NRXN2: variants seen among roughly 807,000 people sequenced by gnomAD.
NRXN2 encodes the protein neurexin 2, also known as neurexin-2-beta.
NRXN2 carries 29 observed loss-of-function variants against 128.8 expected under a neutral mutation model. The observed-to-expected ratio is 0.23, with a 90% CI of 0.17 to 0.31. The LOEUF is 0.31. NRXN2 is among the 10% of genes least tolerant of loss of function. The pLI, the probability that NRXN2 is intolerant of heterozygous loss-of-function variation, is 1.00. For missense variants in NRXN2, 1,881 were observed against 2,452.6 expected, an observed-to-expected ratio of 0.77 and a Z score of 4.92; for synonymous variants, 1,098 against 1,075.2, an observed-to-expected ratio of 1.02 and a Z score of -0.41.
rs143228463 is a variant in NRXN2, at chr11:64,708,966, C to T, written c.730+4004G>A. Among the ~76,000 whole-genome samples, 1,271 of 152,070 alleles carry T rather than the reference C, an allele frequency of 8.4e-3. 18 individuals are homozygous for T. Among genetic ancestry groups the T allele is most frequent in the African/African-American group, 0.029 (1,211 of 41,472 alleles). On this transcript the variant is annotated intron_variant, in intron 2 of 22. Transcript: ENST00000265459. Reference sequence around the variant, plus strand: ...CAGCACTTTGAGAGGCCAATGCGGGCGGATCACTTGAGGCCGGGAGTTCGA... The same window carrying T: ...CAGCACTTTGAGAGGCCAATGCGGGTGGATCACTTGAGGCCGGGAGTTCGA...
intron 7 of NRXN2, among the ~76,000 whole-genome samples, chr11:64,674,082 T>C (rs1318194892): frequency 6.6e-6 from 1 of 151,464 alleles, no homozygotes; most frequent in Non-Finnish European, 1.5e-5. Context: ...TCTTGCCATG[T>C]CACCCAGGCT....
intron 2 of NRXN2, among the ~76,000 whole-genome samples, chr11:64,710,832 A>G (rs2056815762): frequency 1.3e-5 from 2 of 152,272 alleles, no homozygotes; most frequent in South Asian, 4.1e-4. Flanking sequence ...CTGGTATTCA[A>G]ACAGACCCAT....
intron 22 of NRXN2, among the ~76,000 whole-genome samples, chr11:64,618,430 C>A (rs1234829816): frequency 1.3e-5 from 2 of 152,196 alleles, no homozygotes; most frequent in Non-Finnish European, 2.9e-5. Context: ...ACATGTGGTG[C>A]CACTCAGTGC....
At chr11:64,690,617 T>G in intron 4 of NRXN2, 141 bp from the exon 5 acceptor site, 3 of 746,936 alleles carry the variant, frequency 4.0e-6, no homozygotes, top group Non-Finnish European at 6.9e-6. Context: ...GGGGACTCCC[T>G]TGCCTTCAAG....
Position 64,660,957 on chromosome 11 carries a change from G to A in NRXN2, c.1981C>T (p.Leu661Phe). 6.2e-7 allele frequency: 1 copy of A among 1,613,916 alleles called. No homozygotes were observed. ...TCTCGGCTACGCCCATCTATGAAGA[G>A]GTCCCGCACACAGCCCACGTAGCCT... ...RAGYVGCVRD[L>F]FIDGRSRDLR... The change falls in exon 10 of 23, where the codon CTC becomes TTC. Residue 661 changes from leucine to phenylalanine, a missense_variant. Transcript: ENST00000265459. This position sits in a 1 kb window ranked among gnomAD's most constrained non-coding sequence, Gnocchi z 5.2.
At position 64,622,498 on chromosome 11, in the gene NRXN2, C is replaced by T. The variant is rs2042506724; in HGVS notation, c.4173+255G>A. ...ATATAACTGGGCCATCAAACTCCTC[C>T]CCAATTCTGGGAATGGTCCCTCTAG... On this transcript the variant is annotated intron_variant, in intron 21 of 22. Coordinates refer to ENST00000265459, the MANE Select transcript of NRXN2 (RefSeq NM_015080.4). This position sits in a 1 kb window ranked among gnomAD's most constrained non-coding sequence, Gnocchi z 4.3. Among the ~76,000 whole-genome samples the T allele has an allele frequency of 6.6e-6, 1 of 152,250 alleles. No homozygotes were observed. The highest frequency in any genetic ancestry group is 2.4e-5 in the African/African-American group (1 of 41,468).
intron 19 of NRXN2, among the ~76,000 whole-genome samples, chr11:64,628,808 G>A (rs993155464): frequency 6.6e-6 from 1 of 152,196 alleles, no homozygotes; most frequent in Non-Finnish European, 1.5e-5. Context: ...TGGGGGATAG[G>A]TGGAATTTAG....
chr11:64,653,730 G>C lies in NRXN2; in HGVS notation c.2390-8C>G. 6.3e-7 allele frequency: 1 copy of C among 1,589,716 alleles called. No homozygotes were observed. ...AGCCGACGCGCAGGCAGTCTGGGGG[G>C]GCCATGGGGCGGGCAGAGGGGAAGG... On this transcript the variant is annotated splice_polypyrimidine_tract_variant and splice_region_variant and intron_variant, in intron 11 of 22. Transcript: ENST00000265459.
chr11:64,721,205 G>A (rs1197700133), intron 1 of NRXN2, among the ~76,000 whole-genome samples: 1 of 151,942 alleles, frequency 6.6e-6, no homozygotes, highest in Non-Finnish European at 1.5e-5. Flanking sequence ...TTGTCAGAGT[G>A]TCTGTGTCAC....
At chr11:64,706,148 A>T (rs1372420761) in intron 2 of NRXN2, among the ~76,000 whole-genome samples, 1 of 18 alleles carries the variant, frequency 0.056, no homozygotes, top group Non-Finnish European at 0.083. Flanking sequence ...TATATATATA[A>T]AGTATATATA....
intron 6 of NRXN2, among the ~76,000 whole-genome samples, chr11:64,679,749 T>C (rs2051917277): frequency 6.6e-6 from 1 of 151,662 alleles, no homozygotes; most frequent in African/African-American, 2.4e-5. Flanking sequence ...AGGGTTGGAG[T>C]AGATGAGATG....
chr11:64,716,179 A>G (rs1250144115), intron 1 of NRXN2, among the ~76,000 whole-genome samples: 4 of 151,796 alleles, frequency 2.6e-5, no homozygotes, highest in African/African-American at 7.3e-5. Flanking sequence ...TCCGGACACT[A>G]TTTTGGGGAG....
chr11:64,699,096 A>C (rs2054934943), intron 2 of NRXN2, among the ~76,000 whole-genome samples: 1 of 152,200 alleles, frequency 6.6e-6, no homozygotes, highest in East Asian at 1.9e-4. Flanking sequence ...GCTCATAGAG[A>C]GGTAGCTATA....
chr11:64,617,213 G>A (rs1375129078), intron 22 of NRXN2, among the ~76,000 whole-genome samples: 1 of 152,050 alleles, frequency 6.6e-6, no homozygotes, highest in African/African-American at 2.4e-5. Flanking sequence ...TGAGCTTGCT[G>A]GTGGGTATGT....
At chr11:64,702,971 TAAAAAAAAAAAAAAAAAAAAAAAGA>T (rs2055710250) in intron 2 of NRXN2, among the ~76,000 whole-genome samples, 1 of 51,136 alleles carries the variant, frequency 2.0e-5, no homozygotes, top group African/African-American at 7.7e-5. Context: ...CCCAGGTCTC[TAAAAAAAAAAAAAAAAAAAAAAAGA>T]AAGAAAGAAT....
rs1294442450 is a variant in NRXN2, at chr11:64,648,383, C to T, written c.3284-45G>A. On this transcript the variant is annotated intron_variant, in intron 16 of 22. Coordinates refer to ENST00000265459, the MANE Select transcript of NRXN2 (RefSeq NM_015080.4). This position sits in a 1 kb window ranked among gnomAD's most constrained non-coding sequence, Gnocchi z 4.1. ...GGAACACCCCTGGCTCAGCCAAGCC[C>T]CCTCTTTCCCCAGGAGGTGTGGAAG... 2 of 1,613,510 alleles carry T rather than the reference C, an allele frequency of 1.2e-6. No homozygotes were observed. The highest frequency in any genetic ancestry group is 2.2e-5 in the South Asian group (2 of 91,062).
chr11:64,711,825 C>T (rs2056923986), intron 2 of NRXN2, among the ~76,000 whole-genome samples: 1 of 152,216 alleles, frequency 6.6e-6, no homozygotes, highest in Non-Finnish European at 1.5e-5. Flanking sequence ...GCCTCAGCCA[C>T]CCTCTCCCTC....
chr11:64,635,045 C>A lies in NRXN2; in HGVS notation c.3585+226G>T, dbSNP rs1004364280. Reference sequence around the variant, plus strand: ...CAGGGAGTGGGGAGCTGGAGAAATTCGAATCAGATGGGAGGGTGGATCTGG... The same window carrying A: ...CAGGGAGTGGGGAGCTGGAGAAATTAGAATCAGATGGGAGGGTGGATCTGG... On this transcript the variant is annotated intron_variant, in intron 18 of 22. Transcript: ENST00000265459. The surrounding 1 kb of genome is among the most constrained non-coding windows in gnomAD (Gnocchi z 4.8). 6.6e-6 allele frequency among the ~76,000 whole-genome samples: 1 copy of A among 152,100 alleles called. No individual in the cohort carries two copies. The highest frequency in any genetic ancestry group is 1.5e-5 in the Non-Finnish European group (1 of 68,010).
chr11:64,707,189 G>A lies in NRXN2; in HGVS notation c.730+5781C>T, dbSNP rs570553107. ...GGGTGGATCACGAGGTCAGGAGATC[G>A]AGACCATCCTGGCTAACATGGTGAA... On this transcript the variant is annotated intron_variant, in intron 2 of 22. Transcript: ENST00000265459. Among the ~76,000 whole-genome samples, 12 of 152,062 alleles carry A rather than the reference G, an allele frequency of 7.9e-5. No homozygotes were observed. In the East Asian group the frequency reaches 1.6e-3, roughly 20 times the overall value.
Sources: allele counts gnomAD v4.1 joint callset (sites outside exome capture counted in the v4.1 genomes callset), GRCh38; gene constraint gnomAD v4.1.1; non-coding constraint Gnocchi (gnomAD v3.1); transcripts MANE v1.5; gene names NCBI Gene and HGNC (gene_info 2026-07-23, HGNC 2026-07-21).